ETNPPL: variants seen among roughly 807,000 people sequenced by gnomAD.
The protein encoded by ETNPPL is ethanolamine-phosphate phospho-lyase.
Under a neutral mutation model 55.5 loss-of-function variants are expected in ETNPPL, and 30 were observed. The ratio of observed to expected loss-of-function variants is 0.54; its 90% CI spans 0.40 to 0.73. The LOEUF is 0.73. Among genes scored for constraint, ETNPPL ranks in the 30% least tolerant of loss-of-function variants. The pLI is 0.00. For synonymous variants in ETNPPL, 202 were observed against 207.2 expected, an observed-to-expected ratio of 0.98 and a Z score of 0.21; for missense variants, 528 against 607.9, an observed-to-expected ratio of 0.87 and a Z score of 1.38.
Position 108,742,525 on chromosome 4 carries a change from T to G in ETNPPL, c.1459A>C (p.Thr487Pro), listed in dbSNP as rs1158258464. ...TTACTGAGCAGTGAATGTGTATCCG[T>G]GCACATTCCATTTCTCTTTCTGCTG... The part of the protein sequence containing the change: ...NPSRKRNGMC[T>P]DTHSLLSKRL... Residue 487 changes from threonine (T) to proline (P), a missense_variant, in exon 13 of 13, where the codon ACG (threonine) becomes CCG (proline). Thr to Pro is a conservative substitution (Grantham distance 38). Transcript: ENST00000296486. The G allele has an allele frequency of 7.4e-6, 12 of 1,614,074 alleles. No homozygotes were observed. Among genetic ancestry groups the G allele is most frequent in the Non-Finnish European group, 1.0e-5 (12 of 1,180,030 alleles).
chr4:108,761,720 G>T (rs1729514969), intron 1 of ETNPPL, among the ~76,000 whole-genome samples: 1 of 152,240 alleles, frequency 6.6e-6, no homozygotes, highest in Admixed American at 6.5e-5. Flanking sequence ...ATTAGAAAAA[G>T]TAGGGTAGTG....
intron 11 of ETNPPL, among the ~76,000 whole-genome samples, chr4:108,744,714 A>ATTTTTTTTT (rs1560647930): frequency 7.5e-6 from 1 of 132,638 alleles, no homozygotes; most frequent in African/African-American, 3.4e-5. Flanking sequence ...GAGAAGTTGA[A>ATTTTTTTTT]ATTTTTTTTT....
At chr4:108,749,137 A>C in intron 8 of ETNPPL, 101 bp downstream of exon 8, 4 of 782,890 alleles carry the variant, frequency 5.1e-6, no homozygotes, top group Non-Finnish European at 8.2e-6. Context: ...CTGGGTGGTT[A>C]GCCGGCAATA....
At chr4:108,753,800 G>GAAAGAAAA (rs1729052742) in intron 5 of ETNPPL, among the ~76,000 whole-genome samples, 1 of 109,032 alleles carries the variant, frequency 9.2e-6, no homozygotes, top group South Asian at 2.9e-4. Flanking sequence ...AAGAAAGAAA[G>GAAAGAAAA]AAAGAAAAGA....
chr4:108,757,507 T>C (rs1578393310), intron 3 of ETNPPL, among the ~76,000 whole-genome samples: 1 of 152,230 alleles, frequency 6.6e-6, no homozygotes, highest in African/African-American at 2.4e-5. Context: ...TGGCGGTGGC[T>C]CACGCCTGTA....
chr4:108,746,352 G>A (rs763211190), intron 11 of ETNPPL, 47 bp downstream of exon 11: 1 of 1,575,766 alleles, frequency 6.3e-7, no homozygotes, highest in Non-Finnish European at 8.6e-7. Flanking sequence ...TGAGGGGTGG[G>A]TTTGGGAGAG....
In ETNPPL at chr4:108,746,828, A is replaced by T. The variant is rs753837443; in HGVS notation, c.1106T>A (p.Ile369Asn). ...DIRGIGLFIG[I>N]DLVKDHLKRT... ...TTTCAGATGGTCCTTCACTAAATCA[A>T]TTCCAATAAAAAGGCCAATGCCCCT... Residue 369 changes from isoleucine to asparagine, a missense_variant, in exon 10 of 13, where the codon ATT becomes AAT. Physicochemically the swap from Ile to Asn is moderately radical, Grantham distance 149. Transcript: ENST00000296486. The T allele has an allele frequency of 1.9e-6, 3 of 1,613,654 alleles. No homozygotes were observed. The African/African-American group carries it at 4.0e-5, about 22-fold the overall frequency.
intron 5 of ETNPPL, among the ~76,000 whole-genome samples, chr4:108,753,365 A>G (rs540609547): frequency 6.6e-6 from 1 of 152,340 alleles, no homozygotes; most frequent in South Asian, 2.1e-4. Flanking sequence ...CCGATCAACT[A>G]TATTGCAAAT....
intron 9 of ETNPPL, among the ~76,000 whole-genome samples, chr4:108,747,239 T>TAA (rs1240256352): frequency 2.4e-5 from 1 of 41,294 alleles, no homozygotes; most frequent in Non-Finnish European, 3.4e-5. Flanking sequence ...TATATATATA[T>TAA]AATATATATA....
intron 3 of ETNPPL, among the ~76,000 whole-genome samples, chr4:108,758,687 G>A (rs1296414528): frequency 6.6e-6 from 1 of 152,250 alleles, no homozygotes; most frequent in East Asian, 1.9e-4. Flanking sequence ...GCTGGCCCCA[G>A]GGTCCCCACG....
At chr4:108,748,986 A>G (rs907294125) in intron 8 of ETNPPL, among the ~76,000 whole-genome samples, 8 of 152,190 alleles carry the variant, frequency 5.3e-5, no homozygotes, top group Non-Finnish European at 1.2e-4. Flanking sequence ...TAGGTGCAGC[A>G]AACCACCATG....
chr4:108,761,358 T>C (rs374762289), intron 1 of ETNPPL, among the ~76,000 whole-genome samples: 3 of 152,208 alleles, frequency 2.0e-5, no homozygotes, highest in African/African-American at 7.2e-5. Context: ...ACCTCAAATT[T>C]TAAAATTGCA....
intron 11 of ETNPPL, among the ~76,000 whole-genome samples, chr4:108,744,217 C>T (rs12505888): frequency 0.054 from 8,188 of 151,722 alleles, 336 homozygotes; most frequent in Admixed American, 0.13. Context: ...GCCGAGATCA[C>T]GCCACTGCAC....
intron 8 of ETNPPL, among the ~76,000 whole-genome samples, chr4:108,748,601 G>A (rs1728735883): frequency 6.6e-6 from 1 of 152,020 alleles, no homozygotes; most frequent in Admixed American, 6.6e-5. Flanking sequence ...TATATATACT[G>A]AACAAACTAC....
chr4:108,753,800 G>GAAAGAAAGAAAGAAAGAAAAGAAAAGA (rs374263477), intron 5 of ETNPPL, among the ~76,000 whole-genome samples: 8 of 109,070 alleles, frequency 7.3e-5, no homozygotes, highest in African/African-American at 4.0e-4. Context: ...AAGAAAGAAA[G>GAAAGAAAGAAAGAAAGAAAAGAAAAGA]AAAGAAAAGA....
At chr4:108,743,162 C>T (rs1361620569) in intron 12 of ETNPPL, among the ~76,000 whole-genome samples, 1 of 152,164 alleles carries the variant, frequency 6.6e-6, no homozygotes, top group Non-Finnish European at 1.5e-5. Context: ...GCATCGAACT[C>T]ATAAACAAAT....
chr4:108,750,663 T>C (rs966204127), intron 7 of ETNPPL, among the ~76,000 whole-genome samples: 1 of 148,870 alleles, frequency 6.7e-6, no homozygotes, highest in Non-Finnish European at 1.5e-5. Flanking sequence ...CCCTGACCAA[T>C]ACAGATTTGG....
At position 108,760,357 on chromosome 4, in the gene ETNPPL, T is replaced by C. The variant is rs747098812; in HGVS notation, c.57-51A>G. 8 of 1,025,834 alleles carry C rather than the reference T, an allele frequency of 7.8e-6. No homozygotes were observed. The Admixed American group carries it at 9.2e-5, about 12-fold the overall frequency. 63.5% of individuals were successfully genotyped at this position (1,025,834 alleles called of 1,614,324 possible). A position where few individuals can be genotyped will look rare whatever the true frequency, so the allele number is the denominator to read the frequency against. On this transcript the variant is annotated intron_variant, in intron 1 of 12. Coordinates refer to ENST00000296486, the MANE Select transcript of ETNPPL (RefSeq NM_031279.4). ...TGGTCTGGTAGGACTACTCTCAGTA[T>C]TTTTCCTTCTCAATGAAGGTCCCCA...
chr4:108,748,539 G>A (rs185646503), intron 8 of ETNPPL, among the ~76,000 whole-genome samples: 2 of 152,076 alleles, frequency 1.3e-5, no homozygotes, highest in African/African-American at 4.8e-5. Context: ...TTTTCCCCAA[G>A]CAATTTATGT....
Sources: allele counts gnomAD v4.1 joint callset (sites outside exome capture counted in the v4.1 genomes callset), GRCh38; gene constraint gnomAD v4.1.1; transcripts MANE v1.5; gene names NCBI Gene and HGNC (gene_info 2026-07-23, HGNC 2026-07-21).